The following INSR variants were observed in gnomAD, a reference collection of about 807,000 sequenced individuals.
INSR encodes IR.
A neutral mutation model predicts 142.6 loss-of-function variants in INSR; 67 were observed. That is an observed-to-expected ratio of 0.47 (90% CI 0.39 to 0.58). The LOEUF is 0.58. INSR is among the 20% of genes least tolerant of loss of function. INSR has a pLI of 0.00. For missense variants in INSR, 1,248 were observed against 1,833.2 expected, an observed-to-expected ratio of 0.68 and a Z score of 5.83; for synonymous variants, 756 against 743.1, an observed-to-expected ratio of 1.02 and a Z score of -0.28.
chr19:7,284,902 C>G (rs113894405), intron 1 of INSR, among the ~76,000 whole-genome samples: 2,267 of 152,270 alleles, frequency 0.015, 30 homozygotes, highest in South Asian at 0.048. Context: ...GGAATGCCCT[C>G]TTACTTGACC....
chr19:7,286,159 G>A (rs1968340004), intron 1 of INSR, among the ~76,000 whole-genome samples: 1 of 150,626 alleles, frequency 6.6e-6, no homozygotes, highest in African/African-American at 2.4e-5. Flanking sequence ...TTTTTGTAGG[G>A]TTTTGTAGAG....
rs747674645 is a variant in INSR at position 7,125,021 on chromosome 19, G to A, written c.3258+262C>T. Among the ~76,000 whole-genome samples the A allele has an allele frequency of 6.6e-6, 1 of 152,222 alleles. No individual in the cohort carries two copies. Among genetic ancestry groups the A allele is most frequent in the East Asian group, 1.9e-4 (1 of 5,166 alleles). On this transcript the variant is annotated intron_variant, in intron 17 of 21. Transcript: ENST00000302850. The surrounding 1 kb of genome is among the most constrained non-coding windows in gnomAD (Gnocchi z 4.9). ...AGAAAATGATGGAAGATTCCAGAAA[G>A]TGATGAAAGATTCTGGAAAGCAATG...
At chr19:7,182,333 T>C (rs1461862214) in intron 3 of INSR, among the ~76,000 whole-genome samples, 3 of 151,480 alleles carry the variant, frequency 2.0e-5, no homozygotes, top group Non-Finnish European at 2.9e-5. Flanking sequence ...AAACTCCATC[T>C]CAAAAAAACA....
intron 11 of INSR, among the ~76,000 whole-genome samples, chr19:7,148,930 G>C (rs1416145147): frequency 2.0e-5 from 3 of 149,516 alleles, no homozygotes; most frequent in South Asian, 2.1e-4. Flanking sequence ...GAGTAGCTGG[G>C]ACTACAGGCG....
At position 7,294,021 on chromosome 19, in the gene INSR, G is replaced by T; in HGVS notation, c.-130C>A. The T allele has an allele frequency of 9.8e-7, 1 of 1,018,356 alleles. No homozygotes were observed. Among genetic ancestry groups the T allele is most frequent in the Non-Finnish European group, 1.2e-6 (1 of 829,910 alleles). The allele number at this position is 1,018,356 out of a possible 1,614,324, so 63.1% of individuals were successfully genotyped here. A position where few individuals can be genotyped will look rare whatever the true frequency, so the allele number is the denominator to read the frequency against. ...TTCTCTTCCACGCCCGCGACCCGCG[G>T]GCCGCAGCCCCCCTGCCGGGGAGGG... On this transcript the variant is annotated 5_prime_UTR_variant, in exon 1 of 22. Transcript: ENST00000302850.
At chr19:7,151,193 TTTC>T (rs1413339087) in intron 10 of INSR, among the ~76,000 whole-genome samples, 1 of 122,378 alleles carries the variant, frequency 8.2e-6, no homozygotes, top group African/African-American at 2.9e-5. Context: ...TCTTTCTTTC[TTTC>T]TTTCTTTCTT....
chr19:7,120,261 A>G (rs975762048), intron 20 of INSR, among the ~76,000 whole-genome samples: 1 of 152,168 alleles, frequency 6.6e-6, no homozygotes, highest in African/African-American at 2.4e-5. Context: ...TTCATCTTAT[A>G]TATGTTGACT....
At chr19:7,287,937 C>T (rs1204577772) in intron 1 of INSR, among the ~76,000 whole-genome samples, 1 of 152,118 alleles carries the variant, frequency 6.6e-6, no homozygotes, top group Non-Finnish European at 1.5e-5. Context: ...TTTGCGCAGT[C>T]ATAGATGATG....
rs16994185 is a variant in INSR, at chr19:7,140,790, T to C, written c.2682+887A>G. On this transcript the variant is annotated intron_variant, in intron 13 of 21. Transcript: ENST00000302850. ...TAACGGCCCTTTTTTTTTTTTTGCCTAGCTGTCCATAAAAATAATGGGGCC... is the reference window on the plus strand; with the variant it reads ...TAACGGCCCTTTTTTTTTTTTTGCCCAGCTGTCCATAAAAATAATGGGGCC... Among the ~76,000 whole-genome samples, 1,463 of 149,776 alleles carry C rather than the reference T, an allele frequency of 9.8e-3. 26 individuals are homozygous for C. Among genetic ancestry groups the C allele is most frequent in the African/African-American group, 0.035 (1,376 of 39,812 alleles).
intron 2 of INSR, among the ~76,000 whole-genome samples, chr19:7,186,560 T>C (rs1368229975): frequency 6.6e-6 from 1 of 152,174 alleles, no homozygotes; most frequent in African/African-American, 2.4e-5. Flanking sequence ...AATACTTTTA[T>C]GTGGCTATGC....
chr19:7,262,451 G>A lies in INSR; in HGVS notation c.652+4894C>T, dbSNP rs189600271. On this transcript the variant is annotated intron_variant, in intron 2 of 21. Transcript: ENST00000302850. ...CGCACCATTGCAATCCAGCCTGGGC[G>A]ACGAGAGCAAAACTCCGTCTCAAAA... 2.0e-4 allele frequency among the ~76,000 whole-genome samples: 30 copies of A among 152,298 alleles called. No homozygotes were observed. The East Asian group carries it at 4.8e-3, about 24-fold the overall frequency.
chr19:7,287,826 G>A (rs1568240102), intron 1 of INSR, among the ~76,000 whole-genome samples: 1 of 152,194 alleles, frequency 6.6e-6, no homozygotes, highest in African/African-American at 2.4e-5. Flanking sequence ...GTCTGTTCCA[G>A]ATCAGAGGTC....
rs79962511 is a variant in INSR at position 7,253,639 on chromosome 19, G to A, written c.652+13706C>T. 9.3e-3 allele frequency among the ~76,000 whole-genome samples: 1,411 copies of A among 152,256 alleles called. 61 individuals carry two copies. In the East Asian group the frequency reaches 0.14, roughly 15 times the overall value. ...GTGGCCCAATCTGCAGCCACTCCTCGGGCCCCAGGATGATAGGTAACCAGG... is the reference window on the plus strand; with the variant it reads ...GTGGCCCAATCTGCAGCCACTCCTCAGGCCCCAGGATGATAGGTAACCAGG... On this transcript the variant is annotated intron_variant, in intron 2 of 21. Coordinates refer to ENST00000302850, the MANE Select transcript of INSR (RefSeq NM_000208.4).
chr19:7,130,233 G>T (rs1568433075), intron 14 of INSR, among the ~76,000 whole-genome samples: 1 of 152,220 alleles, frequency 6.6e-6, no homozygotes, highest in Non-Finnish European at 1.5e-5. Flanking sequence ...CCATGAAAAA[G>T]AATGAGATCA....
intron 2 of INSR, among the ~76,000 whole-genome samples, chr19:7,255,045 C>A (rs1976847717): frequency 2.0e-5 from 3 of 151,766 alleles, no homozygotes; most frequent in Admixed American, 1.3e-4. Context: ...CCCACCCGCT[C>A]CAGGAAGCCA....
intron 10 of INSR, among the ~76,000 whole-genome samples, chr19:7,151,260 T>TTCTC (rs143671062): frequency 0.041 from 6,127 of 148,752 alleles, 169 homozygotes; most frequent in Middle Eastern, 0.056. Flanking sequence ...CTCCATTCCT[T>TTCTC]TCTTTCTTTC....
At position 7,166,127 on chromosome 19, in the gene INSR, G is replaced by A. The variant is rs3815902; in HGVS notation, c.1861+27C>T. On this transcript the variant is annotated intron_variant, in intron 8 of 21. Transcript: ENST00000302850. This position sits in a 1 kb window ranked among gnomAD's most constrained non-coding sequence, Gnocchi z 4.1. ...AAAGCAAGAGGTCTGATTCACATAC[G>A]AATTCACATTCCCAAGACACACTCA... is the stretch of plus-strand genomic sequence containing the variant. 0.24 allele frequency: 382,146 copies of A among 1,611,992 alleles called. 46,749 individuals are homozygous for A. The highest frequency in any genetic ancestry group is 0.28 in the Middle Eastern group (1,669 of 6,056).
chr19:7,259,690 G>A (rs62109584), intron 2 of INSR, among the ~76,000 whole-genome samples: 16 of 151,934 alleles, frequency 1.1e-4, no homozygotes, highest in Non-Finnish European at 2.1e-4. Flanking sequence ...ATGGTGGCAC[G>A]TGCCTGTAAT....
In INSR at chr19:7,190,456, T is replaced by G. The variant is rs1289956659; in HGVS notation, c.653-5819A>C. ...GGTGAGAACTCAGCTCACTGCAACC[T>G]CCGCCTCCCGGGTTCAAGCAATTCT... On this transcript the variant is annotated intron_variant, in intron 2 of 21. Coordinates refer to ENST00000302850, the MANE Select transcript of INSR (RefSeq NM_000208.4). Among the ~76,000 whole-genome samples, 3 of 140,472 alleles carry G rather than the reference T, an allele frequency of 2.1e-5. No individual in the cohort carries two copies. The East Asian group carries it at 7.4e-4, about 34-fold the overall frequency. 92.2% of individuals were successfully genotyped at this position (140,472 alleles called of 152,430 possible). A position where few individuals can be genotyped will look rare whatever the true frequency, so the allele number is the denominator to read the frequency against.
Sources: gnomAD v4.1 joint callset for allele counts (sites outside exome capture counted in the v4.1 genomes callset) on GRCh38, gnomAD v4.1.1 for gene constraint, Gnocchi (gnomAD v3.1) non-coding constraint, MANE v1.5 for transcripts, NCBI Gene and HGNC (gene_info 2026-07-23, HGNC 2026-07-21) for gene names.